KCNIP4: variants seen among roughly 807,000 people sequenced by gnomAD.
The protein encoded by KCNIP4 is Kv channel-interacting protein 4.
In KCNIP4, 12 loss-of-function variants were observed where a neutral mutation model predicts 34.0. The ratio of observed to expected loss-of-function variants is 0.35; its 90% CI spans 0.23 to 0.57. The LOEUF is 0.57. KCNIP4 is among the 20% of genes least tolerant of loss of function. KCNIP4 has a pLI of 0.83. For synonymous variants in KCNIP4, 124 were observed against 102.2 expected, an observed-to-expected ratio of 1.21 and a Z score of -1.29; for missense variants, 238 against 311.7, an observed-to-expected ratio of 0.76 and a Z score of 1.78.
At chr4:20,747,988 G>T (rs1470791845) in intron 5 of KCNIP4, among the ~76,000 whole-genome samples, 1 of 152,078 alleles carries the variant, frequency 6.6e-6, no homozygotes. Flanking sequence ...TTTTGAATTT[G>T]TTTCATGCTT....
At chr4:21,204,813 A>G (rs901185519) in intron 1 of KCNIP4, among the ~76,000 whole-genome samples, 1 of 152,216 alleles carries the variant, frequency 6.6e-6, no homozygotes, top group African/African-American at 2.4e-5. Flanking sequence ...ACAAACATTT[A>G]CTGAGCATCT....
At chr4:21,598,953 A>G (rs376828809) in intron 1 of KCNIP4, among the ~76,000 whole-genome samples, 1 of 152,226 alleles carries the variant, frequency 6.6e-6, no homozygotes, top group East Asian at 1.9e-4. Flanking sequence ...ACTTATCTTC[A>G]GGGAACAGAC....
intron 1 of KCNIP4, among the ~76,000 whole-genome samples, chr4:21,128,229 G>A (rs1178798095): frequency 6.6e-6 from 1 of 152,174 alleles, no homozygotes; most frequent in Non-Finnish European, 1.5e-5. Flanking sequence ...GAAAGTCAAG[G>A]GAAGAAAGTC....
chr4:21,581,123 C>T (rs1402094221), intron 1 of KCNIP4, among the ~76,000 whole-genome samples: 1 of 151,902 alleles, frequency 6.6e-6, no homozygotes, highest in African/African-American at 2.4e-5. Context: ...TTAGGTGAAA[C>T]ATCATTATAT....
At chr4:21,858,784 A>G (rs1455958565) in intron 1 of KCNIP4, among the ~76,000 whole-genome samples, 1 of 152,252 alleles carries the variant, frequency 6.6e-6, no homozygotes, top group Non-Finnish European at 1.5e-5. Context: ...CCTTTTTAAC[A>G]GTATTTAGGA....
rs150387839 is a variant in KCNIP4, at chr4:21,398,084, G to T, written c.62-515375C>A. Among the ~76,000 whole-genome samples, 6 of 152,254 alleles carry T rather than the reference G, an allele frequency of 3.9e-5. No individual in the cohort carries two copies. The East Asian group carries it at 1.2e-3, about 29-fold the overall frequency. On this transcript the variant is annotated intron_variant, in intron 1 of 8. Coordinates refer to ENST00000382152, the MANE Select transcript of KCNIP4 (RefSeq NM_025221.6). ...TCATTATAGGTTTAGCTGAGGCTGG[G>T]GCCTGTCGGACTCTTTTTTGTTTGT...
At chr4:21,173,269 A>G (rs1216047410) in intron 1 of KCNIP4, among the ~76,000 whole-genome samples, 5 of 146,254 alleles carry the variant, frequency 3.4e-5, no homozygotes, top group Admixed American at 2.1e-4. Flanking sequence ...GGTTTGGGGG[A>G]AAAAAAACCA....
intron 1 of KCNIP4, among the ~76,000 whole-genome samples, chr4:21,015,772 C>T (rs1739469779): frequency 7.6e-6 from 1 of 132,292 alleles, no homozygotes; most frequent in Non-Finnish European, 1.6e-5. Context: ...ATACAATATA[C>T]ATTTATAAAT....
chr4:21,598,694 G>A (rs866740046), intron 1 of KCNIP4, among the ~76,000 whole-genome samples: 1 of 151,918 alleles, frequency 6.6e-6, no homozygotes, highest in African/African-American at 2.4e-5. Context: ...AAAAAGATCT[G>A]AGATTTTTAA....
chr4:21,381,217 C>A (rs1272194372), intron 1 of KCNIP4, among the ~76,000 whole-genome samples: 4 of 152,182 alleles, frequency 2.6e-5, no homozygotes, highest in Non-Finnish European at 5.9e-5. Context: ...CAGTTTTGAA[C>A]AATGATTCTC....
At chr4:21,312,274 C>T (rs114686803) in intron 1 of KCNIP4, among the ~76,000 whole-genome samples, 71 of 152,284 alleles carry the variant, frequency 4.7e-4, no homozygotes, top group Non-Finnish European at 9.3e-4. Context: ...TGTATTGACT[C>T]GTGGTGCTCA....
At chr4:21,316,255 A>G (rs1199528702) in intron 1 of KCNIP4, 1 of 152,200 alleles carries the variant, frequency 6.6e-6, no homozygotes, top group Non-Finnish European at 1.5e-5. Flanking sequence ...AGGAAGGGCC[A>G]TATCTGATTT....
At chr4:21,306,107 G>C (rs1336183401) in intron 1 of KCNIP4, among the ~76,000 whole-genome samples, 2 of 152,170 alleles carry the variant, frequency 1.3e-5, no homozygotes, top group South Asian at 2.1e-4. Context: ...TTAATGCATT[G>C]CTCCTTCCTA....
intron 1 of KCNIP4, among the ~76,000 whole-genome samples, chr4:21,251,099 C>T (rs911476267): frequency 9.9e-5 from 15 of 151,704 alleles, no homozygotes; most frequent in African/African-American, 2.4e-4. Context: ...GTGGGGAATG[C>T]GTTTAAACGA....
At chr4:20,876,324 CATAGAGAG>C (rs1416960694) in intron 2 of KCNIP4, among the ~76,000 whole-genome samples, 2 of 151,866 alleles carry the variant, frequency 1.3e-5, no homozygotes, top group African/African-American at 4.8e-5. Flanking sequence ...AGAACTGGGG[CATAGAGAG>C]ATAAAGTGAG....
At chr4:21,194,814 T>G (rs1273770376) in intron 1 of KCNIP4, among the ~76,000 whole-genome samples, 1 of 152,224 alleles carries the variant, frequency 6.6e-6, no homozygotes, top group African/African-American at 2.4e-5. Context: ...CGAACCCTGC[T>G]GCAATTTTGG....
In KCNIP4 at chr4:20,734,511, A is replaced by T. The variant is rs188741206; in HGVS notation, c.537+117T>A. 8.0e-5 allele frequency: 43 copies of T among 537,418 alleles called. No homozygotes were observed. In the East Asian group the frequency reaches 1.3e-3, roughly 16 times the overall value. The allele number at this position is 537,418 out of a possible 1,614,324, so 33.3% of individuals were successfully genotyped here. A position where few individuals can be genotyped will look rare whatever the true frequency, so the allele number is the denominator to read the frequency against. ...ATTGTACATCTTTCTTCCACTACAT[A>T]AAATATTTTGGAATTTCCTCAAAAA... is the stretch of plus-strand genomic sequence containing the variant. On this transcript the variant is annotated intron_variant, in intron 6 of 8. Coordinates refer to ENST00000382152, the MANE Select transcript of KCNIP4 (RefSeq NM_025221.6).
chr4:21,237,795 G>A (rs1759480201), intron 1 of KCNIP4, among the ~76,000 whole-genome samples: 1 of 152,164 alleles, frequency 6.6e-6, no homozygotes, highest in Non-Finnish European at 1.5e-5. Flanking sequence ...AATTCTACCA[G>A]AGGTACAAGG....
chr4:20,753,394 C>T (rs1386332761), intron 4 of KCNIP4, among the ~76,000 whole-genome samples: 1 of 152,112 alleles, frequency 6.6e-6, no homozygotes, highest in East Asian at 1.9e-4. Context: ...GGTTACATAC[C>T]TTGGTGGTGG....
Sources: allele counts gnomAD v4.1 joint callset (sites outside exome capture counted in the v4.1 genomes callset), GRCh38; gene constraint gnomAD v4.1.1; transcripts MANE v1.5; gene names NCBI Gene and HGNC (gene_info 2026-07-23, HGNC 2026-07-21).